The following PLXNA2 variants were observed in gnomAD, a reference collection of about 807,000 sequenced individuals.
PLXNA2 encodes plexin-A2.
PLXNA2 carries 91 observed loss-of-function variants against 193.5 expected under a neutral mutation model. That is an observed-to-expected ratio of 0.47 (90% CI 0.40 to 0.56). PLXNA2 has a LOEUF of 0.56. PLXNA2 is among the 20% of genes least tolerant of loss of function. The pLI is 0.00. For synonymous variants in PLXNA2, 997 were observed against 1,027.3 expected (o/e 0.97, Z 0.56); for missense variants, 1,995 against 2,503.2 (o/e 0.80, Z 4.33).
At chr1:208,206,572 G>A (rs112814641) in intron 3 of PLXNA2, among the ~76,000 whole-genome samples, 4 of 152,198 alleles carry the variant, frequency 2.6e-5, no homozygotes, top group Middle Eastern at 6.8e-3. Flanking sequence ...CAACTCATCA[G>A]TTCATCAGTT....
At chr1:208,047,779 G>C (rs1025201610) in intron 17 of PLXNA2, among the ~76,000 whole-genome samples, 2 of 152,246 alleles carry the variant, frequency 1.3e-5, no homozygotes, top group African/African-American at 4.8e-5. Context: ...CTTGCATAGA[G>C]ATTATGTCAG....
At chr1:208,159,118 G>C (rs1336892208) in intron 3 of PLXNA2, among the ~76,000 whole-genome samples, 1 of 152,184 alleles carries the variant, frequency 6.6e-6, no homozygotes, top group East Asian at 1.9e-4. Flanking sequence ...AATCAACCTA[G>C]GGAGTGGGAG....
At chr1:208,199,316 A>G (rs1384675559) in intron 3 of PLXNA2, among the ~76,000 whole-genome samples, 1 of 152,206 alleles carries the variant, frequency 6.6e-6, no homozygotes, top group Non-Finnish European at 1.5e-5. Flanking sequence ...AGGGAAAAAA[A>G]TCCCTAGATC....
intron 26 of PLXNA2, among the ~76,000 whole-genome samples, chr1:208,037,061 A>T (rs928794865): frequency 1.3e-5 from 2 of 152,226 alleles, no homozygotes; most frequent in Non-Finnish European, 2.9e-5. Flanking sequence ...GTATGTGTAC[A>T]GAATTAACAG....
intron 3 of PLXNA2, among the ~76,000 whole-genome samples, chr1:208,156,076 G>A (rs1218161623): frequency 6.6e-6 from 1 of 152,060 alleles, no homozygotes; most frequent in Non-Finnish European, 1.5e-5. Context: ...CCAAGTCCTG[G>A]GCATTTCCTA....
Position 208,088,108 on chromosome 1 carries a change from CT to C in PLXNA2, c.2098-3529del, listed in dbSNP as rs1666587657. Among the ~76,000 whole-genome samples the C allele has an allele frequency of 3.3e-5, 5 of 152,346 alleles. No homozygotes were observed. In the South Asian group the frequency reaches 1.0e-3, roughly 32 times the overall value. ...GGGTCATCTTCTTTCTCCTCTGTCTCTAGGCCAACTGGAGCCAGGATCACCT... is the reference window on the plus strand; with the variant it reads ...GGGTCATCTTCTTTCTCCTCTGTCTCAGGCCAACTGGAGCCAGGATCACCT... On this transcript the variant is annotated intron_variant, in intron 9 of 31. Coordinates refer to ENST00000367033, the MANE Select transcript of PLXNA2 (RefSeq NM_025179.4).
At position 208,051,337 on chromosome 1, in the gene PLXNA2, G is replaced by T; in HGVS notation, c.3080C>A (p.Ala1027Asp). The T allele has an allele frequency of 6.2e-7, 1 of 1,613,654 alleles. No homozygotes were observed. ...PVPVSVSVDR[A>D]HVDSNLQFEY... ...AAACTGCAGGTTGCTATCCACATGG[G>T]CTCGGTCGACACTCACAGAAACAGG... Residue 1027 changes from alanine (A) to aspartate (D), a missense_variant, in exon 16 of 32, where the codon GCC becomes GAC. By Grantham distance (126) the Ala-to-Asp change is moderately radical (BLOSUM62 -2). Coordinates refer to ENST00000367033, the MANE Select transcript of PLXNA2 (RefSeq NM_025179.4).
chr1:208,122,236 T>C (rs1482732598), intron 4 of PLXNA2, among the ~76,000 whole-genome samples: 1 of 152,182 alleles, frequency 6.6e-6, no homozygotes, highest in Non-Finnish European at 1.5e-5. Context: ...ATACTGCAGT[T>C]TGGAACCCCA....
chr1:208,217,282 T>C lies in PLXNA2; in HGVS notation c.641A>G (p.Asp214Gly), dbSNP rs952193874. 6.2e-7 allele frequency: 1 copy of C among 1,614,048 alleles called. No homozygotes were observed. Among genetic ancestry groups the C allele is most frequent in the Non-Finnish European group, 8.5e-7 (1 of 1,180,016 alleles). ...PRDPESSAMLDYELHSDFVSS... is the reference protein window; with the variant it reads ...PRDPESSAMLGYELHSDFVSS... ...GACAAAATCGCTGTGTAGCTCATAGTCGAGCATGGCTGAGGACTCAGGGTC... is the reference window on the plus strand; with the variant it reads ...GACAAAATCGCTGTGTAGCTCATAGCCGAGCATGGCTGAGGACTCAGGGTC... The change falls in exon 2 of 32, where the codon GAC (aspartate) becomes GGC (glycine). Residue 214 changes from aspartate to glycine, a missense_variant. Transcript: ENST00000367033. This position sits in a 1 kb window ranked among gnomAD's most constrained non-coding sequence, Gnocchi z 4.7.
rs1025524693 is a variant in PLXNA2, at chr1:208,105,506, G to A, written c.1507-2259C>T. Among the ~76,000 whole-genome samples, 12 of 152,296 alleles carry A rather than the reference G, an allele frequency of 7.9e-5. No individual in the cohort carries two copies. The East Asian group carries it at 2.1e-3, about 27-fold the overall frequency. On this transcript the variant is annotated intron_variant, in intron 4 of 31. Coordinates refer to ENST00000367033, the MANE Select transcript of PLXNA2 (RefSeq NM_025179.4). ...GTTTCCCTAACTCCTCCTTGAGACT[G>A]TTGATGATTTTTGTCCTGTACAACT...
intron 3 of PLXNA2, among the ~76,000 whole-genome samples, chr1:208,160,215 C>A (rs574088901): frequency 2.1e-5 from 1 of 46,742 alleles, no homozygotes; most frequent in Admixed American, 1.7e-4. Flanking sequence ...TTAGTACAAC[C>A]CCCCCCGCCC....
At chr1:208,150,631 T>G (rs1330756345) in intron 3 of PLXNA2, among the ~76,000 whole-genome samples, 1 of 152,158 alleles carries the variant, frequency 6.6e-6, no homozygotes, top group Non-Finnish European at 1.5e-5. Context: ...ACCAGTTTTC[T>G]GTTTCTAAAT....
At chr1:208,124,497 G>A (rs1667904580) in intron 4 of PLXNA2, among the ~76,000 whole-genome samples, 1 of 151,908 alleles carries the variant, frequency 6.6e-6, no homozygotes, top group South Asian at 2.1e-4. Context: ...TGGCCAACAT[G>A]GCGAAACCCT....
intron 1 of PLXNA2, among the ~76,000 whole-genome samples, chr1:208,226,343 T>G (rs1352306224): frequency 6.6e-6 from 1 of 152,022 alleles, no homozygotes; most frequent in Non-Finnish European, 1.5e-5. Context: ...GAGAGATTTC[T>G]GTTGTTTTTT....
chr1:208,053,172 A>G (rs1210116979), intron 14 of PLXNA2, among the ~76,000 whole-genome samples: 1 of 152,240 alleles, frequency 6.6e-6, no homozygotes, highest in Non-Finnish European at 1.5e-5. Flanking sequence ...AGTGGAGTGA[A>G]TTGGAAAATG....
At position 208,216,738 on chromosome 1, in the gene PLXNA2, C is replaced by G. The variant is rs927950076; in HGVS notation, c.1185G>C (p.Lys395Asn). ...AGCGAGGTGTGTGCCTCCTTACCGC[C>G]TTGGTGCACTGGACGTCCTTCCCCA... ...WLLGKDVQCT[K>N]APVPIDDNFC... Residue 395 changes from lysine (K) to asparagine (N), a missense_variant, in exon 2 of 32, where the codon AAG (lysine) becomes AAC (asparagine). By Grantham distance (94) the Lys-to-Asn change is moderately conservative. Coordinates refer to ENST00000367033, the MANE Select transcript of PLXNA2 (RefSeq NM_025179.4). 4 of 1,611,762 alleles carry G rather than the reference C, an allele frequency of 2.5e-6. No individual in the cohort carries two copies.
chr1:208,063,899 G>C (rs993979300), intron 12 of PLXNA2, among the ~76,000 whole-genome samples: 1 of 152,110 alleles, frequency 6.6e-6, no homozygotes, highest in African/African-American at 2.4e-5. Context: ...CCTCTCCTGA[G>C]CTCCACAGCC....
chr1:208,055,162 C>T (rs1038053438), intron 13 of PLXNA2, among the ~76,000 whole-genome samples: 1 of 152,178 alleles, frequency 6.6e-6, no homozygotes, highest in Non-Finnish European at 1.5e-5. Flanking sequence ...GCAGGTGACA[C>T]TGGCCTCTCA....
Position 208,217,980 on chromosome 1 carries a change from C to T in PLXNA2, c.-58G>A, listed in dbSNP as rs528037187. 8 of 1,578,762 alleles carry T rather than the reference C, an allele frequency of 5.1e-6. No homozygotes were observed. In the South Asian group the frequency reaches 7.9e-5, roughly 16 times the overall value. The stretch of plus-strand genomic sequence containing the variant: ...TGTGTGTGCTCATCTGCTCCACCTT[C>T]CCCGGTTGGCCCTCACATGATTCTG... On this transcript the variant is annotated 5_prime_UTR_variant, in exon 2 of 32. Transcript: ENST00000367033. The surrounding 1 kb of genome is among the most constrained non-coding windows in gnomAD (Gnocchi z 4.7).
Sources: allele counts gnomAD v4.1 joint callset (sites outside exome capture counted in the v4.1 genomes callset), GRCh38; gene constraint gnomAD v4.1.1; non-coding constraint Gnocchi (gnomAD v3.1); transcripts MANE v1.5; gene names NCBI Gene and HGNC (gene_info 2026-07-23, HGNC 2026-07-21).